Variants in THRB observed in about 807,000 individuals in gnomAD.
The protein encoded by THRB is thyroid hormone receptor beta.
A neutral mutation model predicts 47.8 loss-of-function variants in THRB; 12 were observed. The observed-to-expected ratio is 0.25, with a 90% CI of 0.16 to 0.41. THRB has a LOEUF of 0.41. Among genes scored for constraint, THRB ranks in the 10% least tolerant of loss-of-function variants. The pLI is 1.00. For missense variants in THRB, 348 were observed against 589.2 expected, an observed-to-expected ratio of 0.59 and a Z score of 4.24; for synonymous variants, 218 against 212.2, an observed-to-expected ratio of 1.03 and a Z score of -0.24.
intron 3 of THRB, among the ~76,000 whole-genome samples, chr3:24,258,262 C>T (rs558974990): frequency 1.2e-4 from 19 of 152,250 alleles, no homozygotes; most frequent in African/African-American, 4.3e-4. Context: ...GAGGCCCTGT[C>T]CGTCTGAGGC....
chr3:24,233,587 G>GA (rs1491266688), intron 3 of THRB, among the ~76,000 whole-genome samples: 8 of 112,020 alleles, frequency 7.1e-5, no homozygotes, highest in African/African-American at 1.8e-4. Context: ...AAGAAAGAAA[G>GA]AAAGAAAGAA....
In THRB at chr3:24,357,364, A is replaced by AC. The variant is rs2063749620; in HGVS notation, c.-260-19994_-260-19993insG. ...TCTCTCCCAAAAAAAAAAAAAAAAA[A>AC]AAAAAAAAAACAAAAAACAAACAAA... On this transcript the variant is annotated intron_variant, in intron 1 of 10. Coordinates refer to ENST00000646209, the MANE Select transcript of THRB (RefSeq NM_001354712.2). Among the ~76,000 whole-genome samples the AC allele has an allele frequency of 1.2e-4, 18 of 147,316 alleles. No homozygotes were observed. The South Asian group carries it at 1.5e-3, about 12-fold the overall frequency.
chr3:24,307,375 A>T (rs1026074301), intron 2 of THRB, among the ~76,000 whole-genome samples: 4 of 151,954 alleles, frequency 2.6e-5, no homozygotes, highest in Non-Finnish European at 4.4e-5. Context: ...TATTTCCTTT[A>T]GTTTTTTATG....
intron 1 of THRB, among the ~76,000 whole-genome samples, chr3:24,467,322 G>A (rs1487002985): frequency 6.6e-6 from 1 of 152,124 alleles, no homozygotes; most frequent in Non-Finnish European, 1.5e-5. Flanking sequence ...ATTTGTGAGG[G>A]TCAGAATCAA....
At chr3:24,312,542 C>T (rs975074510) in intron 2 of THRB, among the ~76,000 whole-genome samples, 4 of 152,196 alleles carry the variant, frequency 2.6e-5, no homozygotes, top group African/African-American at 9.6e-5. Flanking sequence ...CGTATACGCC[C>T]ACATTTGTGT....
At chr3:24,476,343 A>G (rs1695444975) in intron 1 of THRB, among the ~76,000 whole-genome samples, 2 of 152,174 alleles carry the variant, frequency 1.3e-5, no homozygotes, top group Admixed American at 6.5e-5. Context: ...CAAATGTACA[A>G]ATTAACACAA....
At chr3:24,157,319 G>C (rs899515477) in intron 5 of THRB, among the ~76,000 whole-genome samples, 38 of 151,940 alleles carry the variant, frequency 2.5e-4, no homozygotes, top group African/African-American at 6.8e-4. Flanking sequence ...GCCAGGCTTT[G>C]AACACTGAAG....
intron 1 of THRB, among the ~76,000 whole-genome samples, chr3:24,469,864 A>G (rs548786938): frequency 1.3e-5 from 2 of 152,372 alleles, no homozygotes; most frequent in African/African-American, 4.8e-5. Context: ...TAGAATCTGC[A>G]TAAAGTTTCA....
At chr3:24,481,505 C>T (rs1005927524) in intron 1 of THRB, among the ~76,000 whole-genome samples, 1 of 152,124 alleles carries the variant, frequency 6.6e-6, no homozygotes, top group African/African-American at 2.4e-5. Flanking sequence ...TTGTTTAACA[C>T]ACAGTCCTTG....
chr3:24,344,898 A>G (rs780560781), intron 1 of THRB, among the ~76,000 whole-genome samples: 2 of 152,156 alleles, frequency 1.3e-5, no homozygotes, highest in Middle Eastern at 3.2e-3. Flanking sequence ...ACACTACTGA[A>G]GCAAAATGAC....
At chr3:24,232,405 T>C (rs1388978915) in intron 3 of THRB, among the ~76,000 whole-genome samples, 2 of 152,190 alleles carry the variant, frequency 1.3e-5, no homozygotes, top group Non-Finnish European at 2.9e-5. Flanking sequence ...TACCTGTCTC[T>C]TCAGAGTAGA....
chr3:24,339,759 A>C (rs1013287945), intron 1 of THRB, among the ~76,000 whole-genome samples: 2 of 152,170 alleles, frequency 1.3e-5, no homozygotes, highest in Non-Finnish European at 2.9e-5. Flanking sequence ...ACCCATTTTC[A>C]GTTCTTCTCT....
chr3:24,349,191 T>C (rs2063209367), intron 1 of THRB, among the ~76,000 whole-genome samples: 1 of 152,018 alleles, frequency 6.6e-6, no homozygotes, highest in Non-Finnish European at 1.5e-5. Context: ...ACTACAAAAC[T>C]TTACTGAGAA....
intron 5 of THRB, among the ~76,000 whole-genome samples, chr3:24,167,278 T>C (rs1288602644): frequency 1.3e-5 from 2 of 152,200 alleles, no homozygotes; most frequent in Non-Finnish European, 2.9e-5. Context: ...TCAGTTGGTA[T>C]ATATTTGAAC....
intron 3 of THRB, among the ~76,000 whole-genome samples, chr3:24,281,029 G>A (rs1248392490): frequency 6.6e-6 from 1 of 152,114 alleles, no homozygotes; most frequent in Non-Finnish European, 1.5e-5. Flanking sequence ...TATCATCCAG[G>A]AGAACTTCCC....
intron 3 of THRB, among the ~76,000 whole-genome samples, chr3:24,254,199 TAAAAAAAAAAAAAAAAAAAAAAAAA>T (rs57275069): frequency 5.8e-4 from 20 of 34,618 alleles, no homozygotes; most frequent in Non-Finnish European, 9.5e-4. Context: ...CTGTCTCTAC[TAAAAAAAAAAAAAAAAAAAAAAAAA>T]AAAAAAAAAA....
chr3:24,340,041 A>C (rs1210480542), intron 1 of THRB, among the ~76,000 whole-genome samples: 1 of 152,182 alleles, frequency 6.6e-6, no homozygotes, highest in Non-Finnish European at 1.5e-5. Flanking sequence ...AAGCCATCTG[A>C]CCTGAGGTGA....
chr3:24,463,825 C>T (rs2073901829), intron 1 of THRB, among the ~76,000 whole-genome samples: 1 of 152,130 alleles, frequency 6.6e-6, no homozygotes, highest in African/African-American at 2.4e-5. Context: ...TAATGAACAC[C>T]CATGAGTGCA....
chr3:24,343,904 T>G (rs998853039), intron 1 of THRB, among the ~76,000 whole-genome samples: 1 of 147,676 alleles, frequency 6.8e-6, no homozygotes, highest in Admixed American at 6.8e-5. Flanking sequence ...CTGATATATA[T>G]ATATTTATTT....
Sources: gnomAD v4.1 joint callset for allele counts (sites outside exome capture counted in the v4.1 genomes callset) on GRCh38, gnomAD v4.1.1 for gene constraint, MANE v1.5 for transcripts, NCBI Gene and HGNC (gene_info 2026-07-23, HGNC 2026-07-21) for gene names.